GPHN: variants seen among roughly 807,000 people sequenced by gnomAD.
GPHN encodes gephyrin.
In GPHN, 17 loss-of-function variants were observed where a neutral mutation model predicts 95.5. The observed-to-expected ratio is 0.18, with a 90% CI of 0.12 to 0.27. The LOEUF is 0.27. Ranked by LOEUF, GPHN falls within the 10% of genes least tolerant of loss-of-function variation. The pLI is 1.00. For missense variants in GPHN, 660 were observed against 978.1 expected (o/e 0.67, Z 4.34); for synonymous variants, 320 against 322.5 (o/e 0.99, Z 0.08).
At chr14:66,575,491 C>T (rs2060865928) in intron 1 of GPHN, among the ~76,000 whole-genome samples, 1 of 152,192 alleles carries the variant, frequency 6.6e-6, no homozygotes, top group Admixed American at 6.5e-5. Context: ...CCAGTTTTTA[C>T]AGACTGGCTT....
At chr14:67,562,629 G>T in the GPHN span, 3 of 1,612,868 alleles carry the variant, frequency 1.9e-6, no homozygotes, top group South Asian at 2.2e-5. Flanking sequence ...AGGCACCACA[G>T]CCAGCCCCAG....
the GPHN span, chr14:67,320,926 A>C: frequency 1.4e-6 from 1 of 733,430 alleles, no homozygotes; most frequent in Non-Finnish European, 2.3e-6. Flanking sequence ...ACATGTAGGC[A>C]CTTAGCATTT....
At chr14:67,684,781 C>T in the GPHN span, 3 of 348,514 alleles carry the variant, frequency 8.6e-6, no homozygotes, top group East Asian at 1.3e-4. Flanking sequence ...ATAACAAAGA[C>T]AGGAAGAAAA....
the GPHN span, chr14:67,727,151 A>G: frequency 7.4e-6 from 12 of 1,614,070 alleles, no homozygotes; most frequent in South Asian, 1.3e-4. Flanking sequence ...CAAGCTGGCC[A>G]ATGTGCTTTT....
chr14:67,626,925 G>A, the GPHN span, among the ~76,000 whole-genome samples: 1 of 152,138 alleles, frequency 6.6e-6, no homozygotes, highest in Non-Finnish European at 1.5e-5. Context: ...CTACAACATG[G>A]ATGAACCTAG....
intron 12 of GPHN, among the ~76,000 whole-genome samples, chr14:67,091,874 G>A (rs2077162901): frequency 6.6e-6 from 1 of 150,782 alleles, no homozygotes; most frequent in African/African-American, 2.4e-5. Context: ...AATCTAAAAT[G>A]GTATCTCACA....
intron 9 of GPHN, among the ~76,000 whole-genome samples, chr14:66,996,636 T>A (rs917633260): frequency 5.3e-5 from 8 of 152,326 alleles, no homozygotes; most frequent in African/African-American, 1.9e-4. Flanking sequence ...GATTGTTGTG[T>A]CTCATTAACC....
the GPHN span, among the ~76,000 whole-genome samples, chr14:67,243,585 C>CG: frequency 1.3e-5 from 2 of 150,128 alleles, no homozygotes; most frequent in African/African-American, 4.9e-5. Context: ...CTCTGCCTCC[C>CG]GGGTTCACGC....
intron 12 of GPHN, among the ~76,000 whole-genome samples, chr14:67,098,465 G>GT (rs1444503108): frequency 1.1e-4 from 17 of 152,086 alleles, no homozygotes; most frequent in African/African-American, 3.9e-4. Flanking sequence ...TCAGATTCAG[G>GT]TTTTTTTACT....
the GPHN span, among the ~76,000 whole-genome samples, chr14:67,504,863 G>A: frequency 1.3e-5 from 2 of 152,080 alleles, no homozygotes; most frequent in African/African-American, 4.8e-5. Context: ...TCCAATCAGG[G>A]CAACAAGAGC....
chr14:66,764,936 A>T (rs2058906077), intron 2 of GPHN, among the ~76,000 whole-genome samples: 1 of 152,190 alleles, frequency 6.6e-6, no homozygotes, highest in Non-Finnish European at 1.5e-5. Context: ...CATATTTAAT[A>T]GTTAAGCATG....
chr14:67,077,423 A>G (rs2076536520), intron 11 of GPHN, among the ~76,000 whole-genome samples: 1 of 152,180 alleles, frequency 6.6e-6, no homozygotes, highest in Admixed American at 6.6e-5. Flanking sequence ...CATGTTTTCA[A>G]CTTAAAATGC....
chr14:66,675,076 G>A lies in GPHN; in HGVS notation c.65-6031G>A, dbSNP rs138794181. 7.3e-5 allele frequency among the ~76,000 whole-genome samples: 11 copies of A among 151,156 alleles called. No homozygotes were observed. The East Asian group carries it at 1.6e-3, about 21-fold the overall frequency. ...TTTCCCTGATGACTAGGGATGTTGAGCATTCATTCATATATTTGTTGGCTA... is the reference window on the plus strand; with the variant it reads ...TTTCCCTGATGACTAGGGATGTTGAACATTCATTCATATATTTGTTGGCTA... On this transcript the variant is annotated intron_variant, in intron 1 of 22. Transcript: ENST00000478722.
the GPHN span, among the ~76,000 whole-genome samples, chr14:67,418,548 G>A: frequency 6.6e-6 from 1 of 152,174 alleles, no homozygotes; most frequent in Admixed American, 6.5e-5. Flanking sequence ...ATTGCTTGGT[G>A]CCACAAGCCC....
intron 1 of GPHN, among the ~76,000 whole-genome samples, chr14:66,602,385 G>C (rs2062296049): frequency 6.6e-6 from 1 of 151,644 alleles, no homozygotes; most frequent in Non-Finnish European, 1.5e-5. Flanking sequence ...TGTTTTTATT[G>C]TCAGAGAATG....
chr14:67,180,816 G>C lies in GPHN; in HGVS notation c.2189G>C (p.Ser730Thr), dbSNP rs138011963. The stretch of plus-strand genomic sequence containing the variant: ...TATTTCTTTCTAGGTAATCAAATGA[G>C]CAGCCGTCTGATGAGCATGCGCAGT... ...PWAQSTGNQM[S>T]SRLMSMRSAN... Residue 730 changes from serine to threonine, a missense_variant, in exon 23 of 23, where the codon AGC becomes ACC. Around this residue, in one of 6 missense-constraint regions of GPHN, gnomAD observed 48 missense variants for 137.4 expected, o/e 0.35. Transcript: ENST00000478722. 6.2e-7 allele frequency: 1 copy of C among 1,613,636 alleles called. No individual in the cohort carries two copies. The highest frequency in any genetic ancestry group is 1.7e-4 in the Middle Eastern group (1 of 6,050).
the GPHN span, among the ~76,000 whole-genome samples, chr14:67,611,343 C>T: frequency 6.6e-6 from 1 of 152,080 alleles, no homozygotes; most frequent in Non-Finnish European, 1.5e-5. Flanking sequence ...TTACTGCAAC[C>T]TCCACCTCCC....
chr14:67,008,970 A>G (rs2072796422), intron 9 of GPHN, among the ~76,000 whole-genome samples: 1 of 152,214 alleles, frequency 6.6e-6, no homozygotes, highest in African/African-American at 2.4e-5. Context: ...GAAGTAAAAA[A>G]TGTGAAGAGA....
At chr14:67,618,458 C>T in the GPHN span, among the ~76,000 whole-genome samples, 6 of 152,110 alleles carry the variant, frequency 3.9e-5, no homozygotes, top group African/African-American at 1.2e-4. Context: ...ACTGAAGCCT[C>T]GACTTCCTGG....
Sources: gnomAD v4.1 joint callset for allele counts (sites outside exome capture counted in the v4.1 genomes callset) on GRCh38, gnomAD v4.1.1 for gene constraint, gnomAD v4.1.1 regional missense constraint, MANE v1.5 for transcripts, NCBI Gene and HGNC (gene_info 2026-07-23, HGNC 2026-07-21) for gene names.